Variants in KCNQ5 observed in about 807,000 individuals in gnomAD.
KCNQ5 encodes the protein potassium voltage-gated channel subfamily KQT member 5.
Under a neutral mutation model 98.2 loss-of-function variants are expected in KCNQ5, and 30 were observed. The ratio of observed to expected loss-of-function variants is 0.31; its 90% CI spans 0.23 to 0.41. KCNQ5 has a LOEUF of 0.41. Among genes scored for constraint, KCNQ5 ranks in the 10% least tolerant of loss-of-function variants. KCNQ5 has a pLI of 1.00. For missense variants in KCNQ5, 835 were observed against 1,182.5 expected (o/e 0.71, Z 4.31); for synonymous variants, 458 against 449.4 (o/e 1.02, Z -0.24).
intron 1 of KCNQ5, among the ~76,000 whole-genome samples, chr6:72,932,111 G>A (rs1765717804): frequency 6.6e-6 from 1 of 152,140 alleles, no homozygotes. Context: ...CTAGCTAACA[G>A]AGCTTCCAAT....
At chr6:72,994,502 C>G (rs1769187577) in intron 1 of KCNQ5, among the ~76,000 whole-genome samples, 1 of 139,000 alleles carries the variant, frequency 7.2e-6, no homozygotes, top group Non-Finnish European at 1.5e-5. Flanking sequence ...GAGGCAATGC[C>G]TCGCCCTGCT....
chr6:72,967,056 A>G (rs893261308), intron 1 of KCNQ5, among the ~76,000 whole-genome samples: 21 of 152,222 alleles, frequency 1.4e-4, no homozygotes, highest in African/African-American at 4.3e-4. Context: ...TACATGGAAC[A>G]GAATTTTAGC....
At chr6:72,676,740 A>G (rs1767428574) in intron 1 of KCNQ5, among the ~76,000 whole-genome samples, 1 of 151,934 alleles carries the variant, frequency 6.6e-6, no homozygotes, top group African/African-American at 2.4e-5. Flanking sequence ...AAATCTGGGC[A>G]TATAAAATGC....
intron 10 of KCNQ5, among the ~76,000 whole-genome samples, chr6:73,161,820 C>T (rs1240207986): frequency 6.6e-6 from 1 of 152,170 alleles, no homozygotes; most frequent in Non-Finnish European, 1.5e-5. Flanking sequence ...TCTTCATCAT[C>T]TCAAGTCCAA....
intron 3 of KCNQ5, among the ~76,000 whole-genome samples, chr6:73,044,503 C>A (rs1771865890): frequency 6.6e-6 from 1 of 152,094 alleles, no homozygotes; most frequent in South Asian, 2.1e-4. Context: ...ACATGTTTGA[C>A]CCATGGTCCA....
chr6:73,152,714 G>C (rs1329003794), intron 10 of KCNQ5, among the ~76,000 whole-genome samples: 1 of 152,142 alleles, frequency 6.6e-6, no homozygotes, highest in African/African-American at 2.4e-5. Flanking sequence ...GAGTGTATTA[G>C]AGCTGATTAA....
intron 1 of KCNQ5, among the ~76,000 whole-genome samples, chr6:72,814,367 C>T (rs1449602442): frequency 6.6e-6 from 1 of 152,196 alleles, no homozygotes; most frequent in East Asian, 1.9e-4. Context: ...AGGGAGATTA[C>T]TCAAGCTCAA....
intron 1 of KCNQ5, among the ~76,000 whole-genome samples, chr6:72,976,643 G>A (rs1473725243): frequency 6.6e-6 from 1 of 152,208 alleles, no homozygotes; most frequent in Non-Finnish European, 1.5e-5. Context: ...TGGTAGCCAG[G>A]TCAGCAGAGT....
intron 1 of KCNQ5, among the ~76,000 whole-genome samples, chr6:72,945,385 A>T (rs986147722): frequency 3.4e-5 from 5 of 148,026 alleles, no homozygotes; most frequent in Admixed American, 2.7e-4. Flanking sequence ...GTATATCTCC[A>T]AATGCTATCC....
chr6:73,044,886 C>A (rs1432984493), intron 3 of KCNQ5, among the ~76,000 whole-genome samples: 4 of 152,010 alleles, frequency 2.6e-5, no homozygotes, highest in African/African-American at 9.7e-5. Context: ...AAGTACACAC[C>A]CAAATATTTT....
chr6:73,053,245 G>C (rs879433977), intron 3 of KCNQ5, among the ~76,000 whole-genome samples: 9 of 152,150 alleles, frequency 5.9e-5, no homozygotes, highest in Non-Finnish European at 4.4e-5. Context: ...CAAATTCATA[G>C]AGCAAGTTTT....
intron 2 of KCNQ5, among the ~76,000 whole-genome samples, chr6:73,024,839 G>T (rs904737783): frequency 2.0e-5 from 3 of 152,212 alleles, no homozygotes; most frequent in Admixed American, 6.5e-5. Flanking sequence ...GCCTATAAAT[G>T]TTCAGTGCAT....
At chr6:72,691,203 A>T (rs774189573) in intron 1 of KCNQ5, among the ~76,000 whole-genome samples, 46 of 152,210 alleles carry the variant, frequency 3.0e-4, no homozygotes, top group Non-Finnish European at 4.7e-4. Context: ...TAATTATGTG[A>T]TTCCTCTCCA....
At chr6:72,745,365 T>A (rs1771334043) in intron 1 of KCNQ5, among the ~76,000 whole-genome samples, 1 of 152,200 alleles carries the variant, frequency 6.6e-6, no homozygotes, top group East Asian at 1.9e-4. Context: ...AGATTAAATG[T>A]TTAAATTAAG....
At chr6:73,125,483 T>C (rs1236713389) in intron 9 of KCNQ5, 3 of 517,548 alleles carry the variant, frequency 5.8e-6, no homozygotes, top group Admixed American at 3.9e-5. Flanking sequence ...ATTGTCACTG[T>C]GTTTCCATAA....
intron 1 of KCNQ5, among the ~76,000 whole-genome samples, chr6:72,890,608 T>C (rs1212255300): frequency 1.3e-5 from 2 of 152,142 alleles, no homozygotes; most frequent in Non-Finnish European, 2.9e-5. Flanking sequence ...CATTTGAGAA[T>C]GGATGGAATA....
At chr6:72,789,581 A>G (rs952511802) in intron 1 of KCNQ5, among the ~76,000 whole-genome samples, 2 of 152,216 alleles carry the variant, frequency 1.3e-5, no homozygotes, top group Admixed American at 6.5e-5. Flanking sequence ...TAGAAAGAGT[A>G]TCAGTGATAG....
Position 72,622,600 on chromosome 6 carries a change from G to T in KCNQ5, c.398+13G>T. The T allele has an allele frequency of 1.2e-6, 2 of 1,611,606 alleles. No homozygotes were observed. The highest frequency in any genetic ancestry group is 1.3e-5 in the African/African-American group (1 of 74,908). On this transcript the variant is annotated intron_variant, in intron 1 of 13. Transcript: ENST00000370398. This position sits in a 1 kb window ranked among gnomAD's most constrained non-coding sequence, Gnocchi z 6.0. ...ACCACGCTTTCGTGTGAGTACCCGC[G>T]CCCCCTGCTATGCCCGCTGCAGGGG... is the stretch of plus-strand genomic sequence containing the variant.
chr6:73,163,214 C>A (rs551796318), intron 10 of KCNQ5, among the ~76,000 whole-genome samples: 3 of 149,552 alleles, frequency 2.0e-5, no homozygotes, highest in African/African-American at 7.5e-5. Flanking sequence ...CATAACAAGA[C>A]CTCTCCATCT....
Sources: gnomAD v4.1 joint callset for allele counts (sites outside exome capture counted in the v4.1 genomes callset) on GRCh38, gnomAD v4.1.1 for gene constraint, Gnocchi (gnomAD v3.1) non-coding constraint, MANE v1.5 for transcripts, NCBI Gene and HGNC (gene_info 2026-07-23, HGNC 2026-07-21) for gene names.